C19orf44: variants seen among roughly 807,000 people sequenced by gnomAD.
C19orf44 encodes chromosome 19 open reading frame 44.
In C19orf44, 43 loss-of-function variants were observed where a neutral mutation model predicts 50.7. The observed-to-expected ratio is 0.85, with a 90% CI of 0.66 to 1.09. The LOEUF (loss-of-function observed/expected upper bound fraction) is 1.09. Among genes scored for constraint, C19orf44 ranks in the 50% least tolerant of loss-of-function variants. C19orf44 has a pLI of 0.00. For missense variants in C19orf44, 722 were observed against 836.2 expected, an observed-to-expected ratio of 0.86 and a Z score of 1.68; for synonymous variants, 298 against 334.7, an observed-to-expected ratio of 0.89 and a Z score of 1.20.
intron 1 of C19orf44, among the ~76,000 whole-genome samples, 156 bp from the exon 2 acceptor site, chr19:16,500,636 C>T (rs1411055294): frequency 1.3e-5 from 2 of 152,150 alleles, no homozygotes; most frequent in Admixed American, 1.3e-4. Context: ...AGCCACTGCA[C>T]CCAGCCTGGT....
chr19:16,498,765 G>A (rs1159571126), intron 1 of C19orf44, among the ~76,000 whole-genome samples: 1 of 151,884 alleles, frequency 6.6e-6, no homozygotes, highest in Non-Finnish European at 1.5e-5. Context: ...CTGCCTCCTG[G>A]GTTCATGCCA....
chr19:16,505,249 T>G (rs956283589), intron 3 of C19orf44, among the ~76,000 whole-genome samples: 1 of 149,842 alleles, frequency 6.7e-6, no homozygotes, highest in Non-Finnish European at 1.5e-5. Context: ...GTTTTGCCCT[T>G]GTTGCCCAGG....
chr19:16,497,863 T>G (rs2093414472), intron 1 of C19orf44, among the ~76,000 whole-genome samples: 1 of 152,092 alleles, frequency 6.6e-6, no homozygotes, highest in Admixed American at 6.6e-5. Flanking sequence ...GATTGTAATC[T>G]CAGCATTTTG....
intron 5 of C19orf44, among the ~76,000 whole-genome samples, chr19:16,512,580 A>C (rs2122215035): frequency 6.6e-6 from 1 of 152,192 alleles, no homozygotes; most frequent in Non-Finnish European, 1.5e-5. Flanking sequence ...GAGGGTAAAA[A>C]AAAGTAAAGA....
At position 16,509,685 on chromosome 19, in the gene C19orf44, C is replaced by T. The variant is rs771360150; in HGVS notation, c.1336C>T (p.Gln446Ter). The part of the protein sequence containing the change: ...LSASSASAIQ[Q>*]DSTSSMQPPS... ...TGCCAGCTCGGCTTCTGCCATCCAG[C>T]AGGACAGCACTTCCAGCATGCAGCC... Residue 446 changes from glutamine (Q) to a stop codon, truncating the protein, a stop_gained, in exon 5 of 9, where the codon CAG becomes TAG. Coordinates refer to ENST00000221671, the MANE Select transcript of C19orf44 (RefSeq NM_032207.4). LOFTEE classifies it high-confidence loss of function. 2.4e-5 allele frequency: 39 copies of T among 1,614,144 alleles called. No homozygotes were observed. The highest frequency in any genetic ancestry group is 1.1e-5 in the South Asian group (1 of 91,096).
intron 6 of C19orf44, 58 bp downstream of exon 6, chr19:16,513,167 G>T: frequency 3.3e-6 from 5 of 1,534,192 alleles, no homozygotes; most frequent in South Asian, 2.3e-5. Context: ...CATTTCACCT[G>T]CAGATTCACA....
intron 4 of C19orf44, among the ~76,000 whole-genome samples, chr19:16,509,071 T>C (rs560169609): frequency 4.6e-5 from 7 of 152,088 alleles, no homozygotes; most frequent in African/African-American, 1.7e-4. Context: ...CTGCCCGCCT[T>C]GGCCTCCCAA....
intron 3 of C19orf44, 97 bp from the exon 4 acceptor site, chr19:16,506,604 G>A (rs1424401802): frequency 1.5e-5 from 12 of 796,668 alleles, no homozygotes; most frequent in East Asian, 3.3e-5. Flanking sequence ...AAAAAAAAAA[G>A]AAAAGAAAAG....
intron 7 of C19orf44, 116 bp downstream of exon 7, chr19:16,514,779 A>G: frequency 1.6e-6 from 2 of 1,231,844 alleles, no homozygotes; most frequent in Non-Finnish European, 1.1e-6. Flanking sequence ...CCAGGGCTGC[A>G]GGGATGCAGT....
intron 2 of C19orf44, among the ~76,000 whole-genome samples, 172 bp downstream of exon 2, chr19:16,501,723 C>T (rs1412620678): frequency 1.3e-5 from 2 of 150,164 alleles, no homozygotes; most frequent in African/African-American, 4.9e-5. Flanking sequence ...TCCCGAGTAG[C>T]TGGAATTACA....
Position 16,521,126 on chromosome 19 carries a change from C to A in C19orf44, c.*1073C>A. The A allele has an allele frequency of 1.7e-6, 1 of 603,520 alleles. No individual in the cohort carries two copies. Among genetic ancestry groups the A allele is most frequent in the Non-Finnish European group, 3.0e-6 (1 of 337,142 alleles). The allele number at this position is 603,520 out of a possible 1,614,324, so 37.4% of individuals were successfully genotyped here. Reference sequence around the variant, plus strand: ...TCCTCTGGTGCCCACGCCCTTGCCACCCTGCTGTTCCGCTGAGGTGGTGGG... The same window carrying A: ...TCCTCTGGTGCCCACGCCCTTGCCAACCTGCTGTTCCGCTGAGGTGGTGGG... On this transcript the variant is annotated 3_prime_UTR_variant, in exon 9 of 9. Transcript: ENST00000221671.
chr19:16,508,465 C>G (rs1316557903), intron 4 of C19orf44, among the ~76,000 whole-genome samples: 2 of 152,064 alleles, frequency 1.3e-5, no homozygotes, highest in African/African-American at 2.4e-5. Context: ...GATCATGGCT[C>G]ACTTCATCCT....
chr19:16,510,467 G>T (rs116853537), intron 5 of C19orf44, among the ~76,000 whole-genome samples: 5 of 152,052 alleles, frequency 3.3e-5, no homozygotes, highest in African/African-American at 1.2e-4. Context: ...AGGGACAGCC[G>T]CCCTCGTGTG....
intron 5 of C19orf44, among the ~76,000 whole-genome samples, chr19:16,510,870 G>C (rs2093455239): frequency 6.6e-6 from 1 of 152,076 alleles, no homozygotes; most frequent in South Asian, 2.1e-4. Flanking sequence ...CTGAGTAGTA[G>C]GATTACAAGC....
chr19:16,502,728 A>G (rs980110901), intron 2 of C19orf44, among the ~76,000 whole-genome samples: 2 of 151,846 alleles, frequency 1.3e-5, no homozygotes, highest in African/African-American at 4.8e-5. Context: ...ATGGTGGCTC[A>G]CACCTGTAAT....
At position 16,509,753 on chromosome 19, in the gene C19orf44, T is replaced by C. The variant is rs1467796424; in HGVS notation, c.1404T>C (p.Tyr468=). The change falls in exon 5 of 9, where the codon TAT becomes TAC. Residue 468 remains tyrosine, a synonymous_variant. Transcript: ENST00000221671. Reference sequence around the variant, plus strand: ...TGGTGAACACAGTCAGCTCAGCTTATTCGGAGGATTTTGAAAACTCTCCAA... The same window carrying C: ...TGGTGAACACAGTCAGCTCAGCTTACTCGGAGGATTTTGAAAACTCTCCAA... ...APMVNTVSSA[Y]SEDFENSPSL... is the part of the protein sequence containing the mutation. The C allele has an allele frequency of 6.2e-7, 1 of 1,614,254 alleles. No homozygotes were observed. Among genetic ancestry groups the C allele is most frequent in the Admixed American group, 1.7e-5 (1 of 60,028 alleles).
chr19:16,518,958 T>TG, intron 8 of C19orf44: 1 of 595,830 alleles, frequency 1.7e-6, no homozygotes, highest in Non-Finnish European at 2.9e-6. Flanking sequence ...GTGTGGTTTG[T>TG]GGGTGGCACC....
intron 5 of C19orf44, among the ~76,000 whole-genome samples, chr19:16,510,589 A>G (rs1008678873): frequency 6.6e-6 from 1 of 152,078 alleles, no homozygotes; most frequent in Admixed American, 6.6e-5. Flanking sequence ...TGGAGACATT[A>G]TTAGTTGTCA....
At chr19:16,512,462 C>T (rs2093460253) in intron 5 of C19orf44, among the ~76,000 whole-genome samples, 1 of 152,104 alleles carries the variant, frequency 6.6e-6, no homozygotes, top group Non-Finnish European at 1.5e-5. Context: ...CGACTGCAGC[C>T]ACCGTGAGCC....
Sources: gnomAD v4.1 joint callset for allele counts (sites outside exome capture counted in the v4.1 genomes callset) on GRCh38, gnomAD v4.1.1 for gene constraint, MANE v1.5 for transcripts, NCBI Gene and HGNC (gene_info 2026-07-23, HGNC 2026-07-21) for gene names.